PPFIBP1: variants seen among roughly 807,000 people sequenced by gnomAD.
The protein encoded by PPFIBP1 is liprin-beta-1.
PPFIBP1 carries 112 observed loss-of-function variants against 137.8 expected under a neutral mutation model. That is an observed-to-expected ratio of 0.81 (90% CI 0.70 to 0.95). PPFIBP1 has a LOEUF of 0.95. Ranked by LOEUF, PPFIBP1 falls within the 40% of genes least tolerant of loss-of-function variation. PPFIBP1 has a pLI of 0.00. For synonymous variants in PPFIBP1, 378 were observed against 417.3 expected (o/e 0.91, Z 1.15); for missense variants, 1,083 against 1,196.6 (o/e 0.91, Z 1.40).
At chr12:27,569,893 A>G (rs1287008101) in intron 1 of PPFIBP1, among the ~76,000 whole-genome samples, 2 of 152,164 alleles carry the variant, frequency 1.3e-5, no homozygotes, top group African/African-American at 4.8e-5. Flanking sequence ...TAGATATTTT[A>G]GATCCTGTTC....
chr12:27,677,022 T>C (rs1261241769), intron 18 of PPFIBP1, 42 bp from the exon 19 acceptor site: 8 of 1,613,996 alleles, frequency 5.0e-6, no homozygotes, highest in Non-Finnish European at 6.8e-6. Context: ...GTTCTCTCCA[T>C]TGGGCTGCGT....
intron 1 of PPFIBP1, among the ~76,000 whole-genome samples, chr12:27,555,616 C>A (rs778409062): frequency 2.0e-5 from 3 of 152,164 alleles, no homozygotes; most frequent in Non-Finnish European, 4.4e-5. Flanking sequence ...CTGTTTTGAC[C>A]CAACTCTTCC....
chr12:27,549,344 A>G (rs898520247), intron 1 of PPFIBP1: 10 of 152,216 alleles, frequency 6.6e-5, no homozygotes, highest in Non-Finnish European at 1.0e-4. Context: ...TGACTTCTCC[A>G]TCTTTCTAAC....
chr12:27,610,108 A>T (rs2054938226), intron 2 of PPFIBP1, among the ~76,000 whole-genome samples: 1 of 152,220 alleles, frequency 6.6e-6, no homozygotes, highest in Non-Finnish European at 1.5e-5. Context: ...TGACCTGCAC[A>T]GCCAGAATGG....
At chr12:27,594,818 A>T (rs187453497) in intron 2 of PPFIBP1, among the ~76,000 whole-genome samples, 2 of 152,320 alleles carry the variant, frequency 1.3e-5, no homozygotes, top group Admixed American at 1.3e-4. Context: ...AAACACACAC[A>T]TATATATCTG....
At chr12:27,575,646 A>G (rs1349423545) in intron 1 of PPFIBP1, among the ~76,000 whole-genome samples, 3 of 152,162 alleles carry the variant, frequency 2.0e-5, no homozygotes, top group East Asian at 1.9e-4. Context: ...TTGCTTCTCT[A>G]TGTATGGGAT....
chr12:27,610,972 G>A (rs28406053), intron 2 of PPFIBP1, among the ~76,000 whole-genome samples: 43,665 of 151,654 alleles, frequency 0.29, 6,630 homozygotes, highest in East Asian at 0.5. Flanking sequence ...ACAACCACAC[G>A]TGCACAATTC....
chr12:27,587,396 CG>C (rs1565820478), intron 2 of PPFIBP1, among the ~76,000 whole-genome samples: 4 of 151,828 alleles, frequency 2.6e-5, no homozygotes, highest in African/African-American at 9.7e-5. Context: ...CCGAGGCGGG[CG>C]GATCACGGAG....
At chr12:27,683,306 C>T (rs963415870) in intron 24 of PPFIBP1, among the ~76,000 whole-genome samples, 1 of 152,230 alleles carries the variant, frequency 6.6e-6, no homozygotes, top group Non-Finnish European at 1.5e-5. Flanking sequence ...CTCAAGCGAC[C>T]TGCCTGCCTC....
intron 10 of PPFIBP1, 149 bp downstream of exon 10, chr12:27,658,997 T>C (rs2059382737): frequency 1.2e-5 from 9 of 731,060 alleles, no homozygotes; most frequent in Non-Finnish European, 1.6e-5. Context: ...GTGTACACAA[T>C]AGAGGGTGGA....
intron 24 of PPFIBP1, 95 bp downstream of exon 24, chr12:27,682,798 T>TAAAAAGAAAAAG: frequency 6.3e-7 from 1 of 1,576,372 alleles, no homozygotes; most frequent in South Asian, 1.2e-5. Context: ...TTTCAGTGAT[T>TAAAAAGAAAAAG]CCACCAGAGT....
At chr12:27,646,192 C>G in intron 5 of PPFIBP1, 44 bp downstream of exon 5, 7 of 1,483,028 alleles carry the variant, frequency 4.7e-6, no homozygotes, top group Non-Finnish European at 5.6e-6. Context: ...AGCATACTTA[C>G]AAAGCCTTTT....
At chr12:27,623,907 A>G (rs534855404) in intron 2 of PPFIBP1, among the ~76,000 whole-genome samples, 78 of 152,260 alleles carry the variant, frequency 5.1e-4, no homozygotes, top group African/African-American at 1.9e-3. Flanking sequence ...CCACCACACT[A>G]GAAGATGCGG....
chr12:27,681,646 A>G lies in PPFIBP1; in HGVS notation c.1996A>G (p.Ile666Val). Residue 666 changes from isoleucine (I) to valine (V), a missense_variant, in exon 22 of 30, where the codon ATT becomes GTT. Coordinates refer to ENST00000228425, the MANE Select transcript of PPFIBP1 (RefSeq NM_003622.4). ...GTACCTGAATTCTGGCAAGCACTGGATTGCATCTGGCCAAACGCTTTTGCA... is the reference window on the plus strand; with the variant it reads ...GTACCTGAATTCTGGCAAGCACTGGGTTGCATCTGGCCAAACGCTTTTGCA... The part of the protein sequence containing the change: ...GSYLNSGKHW[I>V]ASGQTLLQAS... The G allele has an allele frequency of 6.2e-7, 1 of 1,614,166 alleles. No homozygotes were observed. The highest frequency in any genetic ancestry group is 8.5e-7 in the Non-Finnish European group (1 of 1,180,022).
At chr12:27,690,674 A>G (rs1211680962) in intron 27 of PPFIBP1, among the ~76,000 whole-genome samples, 2 of 152,386 alleles carry the variant, frequency 1.3e-5, no homozygotes, top group South Asian at 2.1e-4. Flanking sequence ...GGCAATGCAG[A>G]CAGCCCATAA....
At chr12:27,577,671 A>G (rs1419129180) in intron 1 of PPFIBP1, among the ~76,000 whole-genome samples, 1 of 152,226 alleles carries the variant, frequency 6.6e-6, no homozygotes, top group Non-Finnish European at 1.5e-5. Flanking sequence ...TGCAAGTCTG[A>G]AAAATAGTGT....
intron 13 of PPFIBP1, among the ~76,000 whole-genome samples, chr12:27,667,835 G>T (rs761112547): frequency 3.3e-5 from 5 of 152,156 alleles, no homozygotes; most frequent in Non-Finnish European, 7.4e-5. Context: ...GCCCCATTTA[G>T]AACAACTACA....
chr12:27,563,718 T>A (rs1226416148), intron 1 of PPFIBP1, among the ~76,000 whole-genome samples: 1 of 152,124 alleles, frequency 6.6e-6, no homozygotes. Flanking sequence ...CTCCTTAGTG[T>A]CTTTCCCCAG....
At chr12:27,633,069 C>T (rs1399721551) in intron 2 of PPFIBP1, among the ~76,000 whole-genome samples, 2 of 152,206 alleles carry the variant, frequency 1.3e-5, no homozygotes, top group East Asian at 3.8e-4. Flanking sequence ...CTTCCATGGC[C>T]ATCCCTGTTG....
Sources: gnomAD v4.1 joint callset for allele counts (sites outside exome capture counted in the v4.1 genomes callset) on GRCh38, gnomAD v4.1.1 for gene constraint, MANE v1.5 for transcripts, NCBI Gene and HGNC (gene_info 2026-07-23, HGNC 2026-07-21) for gene names.